Variants in FAM120C observed in about 807,000 individuals in gnomAD.
The protein encoded by FAM120C is constitutive coactivator of PPAR-gamma-like protein 2.
A neutral mutation model predicts 71.2 loss-of-function variants in FAM120C; 14 were observed. The observed-to-expected ratio is 0.20, with a 90% confidence interval of 0.13 to 0.31. The LOEUF (loss-of-function observed/expected upper bound fraction) is 0.31, where lower values mean the gene tolerates loss of function less well. Among genes scored for constraint, FAM120C ranks in the 10% least tolerant of loss-of-function variants. The pLI, the probability that FAM120C is intolerant of heterozygous loss-of-function variation, is 1.00. For synonymous variants in FAM120C, 354 were observed against 353.2 expected, an observed-to-expected ratio of 1.00 and a Z score of -0.03; for missense variants, 500 against 879.0, an observed-to-expected ratio of 0.57 and a Z score of 5.45.
chrX:54,138,800 C>T (rs985139354), intron 4 of FAM120C, among the ~76,000 whole-genome samples: 4 of 112,308 alleles, frequency 3.6e-5, no homozygotes, highest in Non-Finnish European at 7.5e-5. Context: ...GCCTAGGCGA[C>T]AGAGCGAGAC....
chrX:54,164,224 G>A (rs1164426980), intron 1 of FAM120C, among the ~76,000 whole-genome samples: 1 of 111,926 alleles, frequency 8.9e-6, no homozygotes, highest in African/African-American at 3.2e-5. Context: ...GAGCCACCGT[G>A]CCTGGCCTTT....
intron 10 of FAM120C, among the ~76,000 whole-genome samples, chrX:54,096,291 G>A (rs1036929213): frequency 1.4e-4 from 15 of 110,598 alleles, no homozygotes; most frequent in Non-Finnish European, 2.6e-4. Context: ...TGCGCCTGTA[G>A]TCCCAGCTAG....
At chrX:54,105,394 T>G (rs1394911371) in intron 10 of FAM120C, among the ~76,000 whole-genome samples, 145 of 111,547 alleles carry the variant, frequency 1.3e-3, no homozygotes, top group African/African-American at 4.4e-3. Flanking sequence ...AACTAGGTAT[T>G]GATGGAACGT....
chrX:54,163,923 T>C (rs958337861), intron 1 of FAM120C, among the ~76,000 whole-genome samples: 15 of 107,811 alleles, frequency 1.4e-4, no homozygotes, highest in Non-Finnish European at 2.3e-4. Context: ...TGTGTATATA[T>C]ACATATATAT....
At chrX:54,103,935 G>A (rs2066894155) in intron 10 of FAM120C, among the ~76,000 whole-genome samples, 1 of 111,582 alleles carries the variant, frequency 9.0e-6, no homozygotes, top group African/African-American at 3.3e-5. Context: ...TATCGGGATG[G>A]CACATGGTTA....
At chrX:54,104,487 A>AT (rs1163057153) in intron 10 of FAM120C, among the ~76,000 whole-genome samples, 6 of 111,664 alleles carry the variant, frequency 5.4e-5, no homozygotes, top group Non-Finnish European at 7.5e-5. Context: ...TTAAAACTGC[A>AT]TTTTTTTCCT....
At chrX:54,097,001 G>A (rs2066855133) in intron 10 of FAM120C, among the ~76,000 whole-genome samples, 1 of 111,739 alleles carries the variant, frequency 8.9e-6, no homozygotes, top group Non-Finnish European at 1.9e-5. Flanking sequence ...TCCCAAGGAT[G>A]AGGTTGCATA....
chrX:54,181,436 A>G (rs2067349315), intron 1 of FAM120C, among the ~76,000 whole-genome samples: 1 of 111,798 alleles, frequency 8.9e-6, no homozygotes, highest in African/African-American at 3.3e-5. Flanking sequence ...TTGAAACCTA[A>G]GAGTATGGGA....
At chrX:54,148,568 G>A (rs1248554001) in intron 4 of FAM120C, among the ~76,000 whole-genome samples, 1 of 111,864 alleles carries the variant, frequency 8.9e-6, no homozygotes, top group African/African-American at 3.2e-5. Context: ...GACTGCTCAA[G>A]CCCGGGAGGC....
intron 1 of FAM120C, among the ~76,000 whole-genome samples, chrX:54,162,526 C>A (rs782115124): frequency 1.8e-5 from 2 of 111,920 alleles, no homozygotes; most frequent in Non-Finnish European, 3.8e-5. Context: ...TGGTTCTAAC[C>A]ATGTCCTTCC....
chrX:54,100,828 C>G (rs868995550), intron 10 of FAM120C, among the ~76,000 whole-genome samples: 1 of 111,824 alleles, frequency 8.9e-6, no homozygotes, highest in African/African-American at 3.2e-5. Context: ...GAGTATAGGC[C>G]ACATGGTTGC....
At chrX:54,179,167 A>G (rs2067334232) in intron 1 of FAM120C, among the ~76,000 whole-genome samples, 1 of 112,391 alleles carries the variant, frequency 8.9e-6, no homozygotes, top group East Asian at 2.8e-4. Flanking sequence ...TATAAATGAA[A>G]CCAACCAAAT....
chrX:54,073,145 C>T lies in FAM120C; in HGVS notation c.3179G>A (p.Arg1060Lys). ...LPAPSQCALS[R>K]DSNECNNGNR... Reference sequence around the variant, plus strand: ...ACCATTATTACACTCATTGCTGTCTCTGGATAAGGCACATTGTGATGGAGC... The same window carrying T: ...ACCATTATTACACTCATTGCTGTCTTTGGATAAGGCACATTGTGATGGAGC... Residue 1060 changes from arginine to lysine, a missense_variant, in exon 16 of 16, where the codon AGA (arginine) becomes AAA (lysine). Arg to Lys is a conservative substitution (Grantham distance 26). Coordinates refer to ENST00000375180, the MANE Select transcript of FAM120C (RefSeq NM_017848.6). 6 of 1,211,338 alleles carry T rather than the reference C, an allele frequency of 5.0e-6. No homozygotes were observed. The highest frequency in any genetic ancestry group is 6.7e-6 in the Non-Finnish European group (6 of 895,432).
intron 1 of FAM120C, among the ~76,000 whole-genome samples, chrX:54,182,141 CA>C (rs781963359): frequency 1.1e-4 from 12 of 112,072 alleles, no homozygotes; most frequent in Middle Eastern, 4.2e-3. Flanking sequence ...AGGGTAAAGG[CA>C]TTTCAGTTTG....
At chrX:54,097,385 C>G (rs1415362546) in intron 10 of FAM120C, among the ~76,000 whole-genome samples, 1 of 111,611 alleles carries the variant, frequency 9.0e-6, no homozygotes, top group Non-Finnish European at 1.9e-5. Context: ...TGCCTATAAT[C>G]CCAACACTTT....
chrX:54,132,052 T>TTTA (rs782174010), intron 9 of FAM120C, among the ~76,000 whole-genome samples: 10 of 106,274 alleles, frequency 9.4e-5, no homozygotes, highest in African/African-American at 3.5e-4. Flanking sequence ...GCGCCCGGCC[T>TTTA]TTATTATTAT....
intron 10 of FAM120C, among the ~76,000 whole-genome samples, chrX:54,100,468 G>C (rs1449713061): frequency 9.0e-6 from 1 of 110,869 alleles, no homozygotes; most frequent in African/African-American, 3.3e-5. Flanking sequence ...ACTCCAGCCT[G>C]GGTGACAGAG....
intron 14 of FAM120C, among the ~76,000 whole-genome samples, chrX:54,080,519 C>T (rs1557121157): frequency 8.9e-6 from 1 of 111,824 alleles, no homozygotes; most frequent in Non-Finnish European, 1.9e-5. Flanking sequence ...TAAGGCAGGG[C>T]AATTTATTAT....
chrX:54,075,294 C>T (rs191203377), intron 15 of FAM120C, among the ~76,000 whole-genome samples: 1 of 112,015 alleles, frequency 8.9e-6, no homozygotes, highest in Non-Finnish European at 1.9e-5. Flanking sequence ...AAGTAACTTG[C>T]CCAAGGTCAC....
Sources: allele counts gnomAD v4.1 joint callset (sites outside exome capture counted in the v4.1 genomes callset), GRCh38; gene constraint gnomAD v4.1.1; transcripts MANE v1.5; gene names NCBI Gene and HGNC (gene_info 2026-07-23, HGNC 2026-07-21).